The following RTL5 variants were observed in gnomAD, a reference collection of about 807,000 sequenced individuals.
The protein encoded by RTL5 is retrotransposon Gag like 5, also known as retrotransposon Gag-like protein 5.
A neutral mutation model predicts 7.7 loss-of-function variants in RTL5; 8 were observed. The observed-to-expected ratio is 1.04, with a 90% CI of 0.61 to 1.88. The LOEUF (loss-of-function observed/expected upper bound fraction) is 1.88. Ranked by LOEUF, RTL5 falls within the 40% of genes most tolerant of loss-of-function variation. The pLI is 0.00. For missense variants in RTL5, 457 were observed against 472.7 expected, an observed-to-expected ratio of 0.97 and a Z score of 0.31; for synonymous variants, 188 against 191.8, an observed-to-expected ratio of 0.98 and a Z score of 0.16.
exon 1 of RTL5, chrX:72,130,877 C>T (rs769250536): frequency 2.5e-6 from 3 of 1,211,760 alleles, no homozygotes; most frequent in South Asian, 3.5e-5. Context: ...CGGATTTCAT[C>T]CAGGAAGCGC....
exon 1 of RTL5, chrX:72,130,992 C>G (rs774652368): frequency 4.1e-6 from 5 of 1,209,065 alleles, no homozygotes; most frequent in African/African-American, 1.8e-5. Flanking sequence ...GCTCGGCGCC[C>G]CCGGGGAAAT....
chrX:72,129,194 T>C (rs974313242), exon 1 of RTL5: 17 of 113,278 alleles, frequency 1.5e-4, no homozygotes, highest in African/African-American at 5.5e-4. Context: ...CTCCGTCAAG[T>C]TGTCCATTTG....
rs201122770 is a variant in RTL5, at chrX:72,129,941, G to A, written c.1600C>T (p.Arg534Cys). Residue 534 changes from arginine (R) to cysteine (C), a missense_variant, in exon 1 of 1, where the codon CGC becomes TGC. Arg to Cys is a radical substitution (Grantham distance 180). Coordinates refer to ENST00000609883, the Ensembl canonical transcript of RTL5. The stretch of plus-strand genomic sequence containing the variant: ...TGGCGTTGTCCTAAACGACCTGTGC[G>A]GCGAATCAGTTGGGGGGAGCTGTAG... The A allele has an allele frequency of 3.9e-4, 471 of 1,209,425 alleles. 3 individuals are homozygous for A. In the Middle Eastern group the frequency reaches 8.0e-3, roughly 21 times the overall value.
chrX:72,130,001 G>T, exon 1 of RTL5: 3 of 1,211,422 alleles, frequency 2.5e-6, no homozygotes, highest in Non-Finnish European at 3.4e-6. Flanking sequence ...CCTTCCAGAA[G>T]TGGGACTCGA....
In RTL5 at chrX:72,130,574, GAA is replaced by G; in HGVS notation, c.965_966del (p.Val322AlafsTer13). The G allele has an allele frequency of 8.3e-7, 1 of 1,211,063 alleles. No individual in the cohort carries two copies. Among genetic ancestry groups the G allele is most frequent in the Non-Finnish European group, 1.1e-6 (1 of 895,271 alleles). ...GGAGCAAAAGGGAAGATGATATTTC[GAA>G]CTCCAGGGAGCGGGATAGGCTTGGG... On this transcript the variant is annotated frameshift_variant, in exon 1 of 1. Transcript: ENST00000609883. LOFTEE classifies it low-confidence loss of function (END_TRUNC).
exon 1 of RTL5, chrX:72,131,136 C>T (rs1347258964): frequency 3.9e-5 from 46 of 1,189,468 alleles, no homozygotes; most frequent in Non-Finnish European, 5.0e-5. Context: ...GTTCCTTTGA[C>T]GCGGGCGGAG....
Position 72,131,666 on chromosome X carries a change from G to C in RTL5, c.-126C>G, listed in dbSNP as rs1219964090. The C allele has an allele frequency of 2.5e-5, 15 of 610,177 alleles. No individual in the cohort carries two copies. In the South Asian group the frequency reaches 3.3e-4, roughly 13 times the overall value. The allele number at this position is 610,177 out of a possible 1,213,427, so 50.3% of individuals were successfully genotyped here. ...GGACCGAAGTGCGGCAGCGGGGCAC[G>C]GGCCAGGCCGGGCCACACCCACCGG... is the stretch of plus-strand genomic sequence containing the variant. On this transcript the variant is annotated 5_prime_UTR_variant, in exon 1 of 1. Transcript: ENST00000609883.
exon 1 of RTL5, chrX:72,129,644 G>T: frequency 2.2e-6 from 1 of 451,272 alleles, no homozygotes; most frequent in Non-Finnish European, 3.7e-6. Context: ...GGTGGCCCTG[G>T]TTGGGCACAC....
exon 1 of RTL5, chrX:72,131,045 A>G: frequency 8.3e-7 from 1 of 1,210,898 alleles, no homozygotes; most frequent in Non-Finnish European, 1.1e-6. Context: ...TGCATCAGGA[A>G]TTCAGCCAGG....
exon 1 of RTL5, chrX:72,130,609 A>C: frequency 8.3e-7 from 1 of 1,211,707 alleles, no homozygotes; most frequent in Non-Finnish European, 1.1e-6. Flanking sequence ...GGGAACGCGC[A>C]CTTTTCTTTC....
rs146873637 is a variant in RTL5, at chrX:72,129,957, G to C, written c.1584C>G (p.Ser528=). ...GACCTGTGCGGCGAATCAGTTGGGG[G>C]GAGCTGTAGAATGGTGAATTGGTGC... The change falls in exon 1 of 1, where the codon TCC becomes TCG. Residue 528 remains serine (S), a synonymous_variant. Coordinates refer to ENST00000609883, the Ensembl canonical transcript of RTL5. 1.7e-3 allele frequency: 2,051 copies of C among 1,209,498 alleles called. 27 individuals carry two copies. In the African/African-American group the frequency reaches 0.031, roughly 18 times the overall value.
exon 1 of RTL5, chrX:72,131,500 G>C: frequency 3.3e-6 from 4 of 1,199,247 alleles, no homozygotes; most frequent in Non-Finnish European, 4.5e-6. Flanking sequence ...GGCCACATTC[G>C]CCATGCGGAG....
At chrX:72,130,426 T>G in exon 1 of RTL5, 1 of 1,202,813 alleles carries the variant, frequency 8.3e-7, no homozygotes, top group Non-Finnish European at 1.1e-6. Context: ...CTCCTTCATC[T>G]CTTGCTGAAA....
At chrX:72,128,066 G>A (rs757773320) in exon 1 of RTL5, 2 of 112,144 alleles carry the variant, frequency 1.8e-5, no homozygotes, top group East Asian at 5.6e-4. Context: ...TCTTTGGAGA[G>A]AGGGGATCTT....
chrX:72,129,665 G>C, exon 1 of RTL5: 1 of 509,323 alleles, frequency 2.0e-6, no homozygotes, highest in Non-Finnish European at 3.2e-6. Context: ...GTCGCTCTCT[G>C]GTCACGGTTG....
exon 1 of RTL5, chrX:72,129,925 C>T (rs760495609): frequency 8.3e-7 from 1 of 1,209,159 alleles, no homozygotes; most frequent in African/African-American, 1.8e-5. Context: ...TTGGCGTTGT[C>T]CTAAACGACC....
At chrX:72,129,865 C>G in exon 1 of RTL5, 1 of 1,201,636 alleles carries the variant, frequency 8.3e-7, no homozygotes, top group African/African-American at 1.7e-5. Flanking sequence ...AGCTCGGTGG[C>G]CCCCCTGTCT....
At chrX:72,129,644 G>A (rs1406676840) in exon 1 of RTL5, 6 of 449,840 alleles carry the variant, frequency 1.3e-5, no homozygotes, top group Non-Finnish European at 2.2e-5. Context: ...GGTGGCCCTG[G>A]TTGGGCACAC....
rs755935647 is a variant in RTL5 at position 72,130,447 on chromosome X, C to A, written c.1094G>T (p.Arg365Leu). 5.0e-6 allele frequency: 6 copies of A among 1,208,179 alleles called. No homozygotes were observed. In the Admixed American group the frequency reaches 1.1e-4, roughly 22 times the overall value. ...CATCTCTTGCTGAAAAGCCCTCATGCGCTTCCTCTGGTCCTTGGAGTGAAG... is the reference window on the plus strand; with the variant it reads ...CATCTCTTGCTGAAAAGCCCTCATGAGCTTCCTCTGGTCCTTGGAGTGAAG... Residue 365 changes from arginine to leucine, a missense_variant, in exon 1 of 1, where the codon CGC becomes CTC. Coordinates refer to ENST00000609883, the Ensembl canonical transcript of RTL5.
Sources: allele counts gnomAD v4.1 joint callset, GRCh38; gene constraint gnomAD v4.1.1; transcripts MANE v1.5; gene names NCBI Gene and HGNC (gene_info 2026-07-23, HGNC 2026-07-21).